Variants in BICD1 observed in about 807,000 individuals in gnomAD.
BICD1 encodes protein bicaudal D homolog 1.
Under a neutral mutation model 92.5 loss-of-function variants are expected in BICD1, and 35 were observed. The ratio of observed to expected loss-of-function variants is 0.38; its 90% CI spans 0.29 to 0.50. BICD1 has a LOEUF of 0.50. Ranked by LOEUF, BICD1 falls within the 20% of genes least tolerant of loss-of-function variation. The pLI is 0.93. For synonymous variants in BICD1, 429 were observed against 465.1 expected (o/e 0.92, Z 1.00); for missense variants, 950 against 1,189.8 (o/e 0.80, Z 2.97).
intron 1 of BICD1, among the ~76,000 whole-genome samples, chr12:32,118,515 C>CT (rs947324563): frequency 3.1e-4 from 47 of 152,202 alleles, no homozygotes; most frequent in South Asian, 2.9e-3. Flanking sequence ...CGTATACAGG[C>CT]TTTTTTTGGT....
At chr12:32,218,589 T>C (rs1201986211) in intron 2 of BICD1, among the ~76,000 whole-genome samples, 1 of 152,248 alleles carries the variant, frequency 6.6e-6, no homozygotes, top group African/African-American at 2.4e-5. Flanking sequence ...TGGTTGTGAT[T>C]CTTCAATTTT....
At chr12:32,116,488 C>CTT (rs1941907628) in intron 1 of BICD1, among the ~76,000 whole-genome samples, 2 of 125,902 alleles carry the variant, frequency 1.6e-5, no homozygotes, top group South Asian at 2.8e-4. Flanking sequence ...CTCTCTCTCT[C>CTT]TCTTTCTCTC....
At chr12:32,161,184 C>T (rs1351698430) in intron 1 of BICD1, among the ~76,000 whole-genome samples, 1 of 152,176 alleles carries the variant, frequency 6.6e-6, no homozygotes, top group South Asian at 2.1e-4. Flanking sequence ...AGCCTGAAAA[C>T]ACTCCTTGTC....
At chr12:32,324,516 C>T (rs1247428178) in intron 4 of BICD1, among the ~76,000 whole-genome samples, 2 of 152,096 alleles carry the variant, frequency 1.3e-5, no homozygotes, top group Non-Finnish European at 2.9e-5. Context: ...AATGTGCCAG[C>T]ATCACTTCCT....
At chr12:32,251,104 T>A (rs1173845869) in intron 2 of BICD1, among the ~76,000 whole-genome samples, 1 of 152,240 alleles carries the variant, frequency 6.6e-6, no homozygotes, top group Non-Finnish European at 1.5e-5. Context: ...AATGTTTACC[T>A]CATTATTTTC....
At chr12:32,233,322 T>TAA (rs1555152907) in intron 2 of BICD1, among the ~76,000 whole-genome samples, 83 of 127,072 alleles carry the variant, frequency 6.5e-4, no homozygotes, top group African/African-American at 1.9e-3. Context: ...AGTCTGTCTT[T>TAA]AAAAAAAAAA....
At chr12:32,166,050 T>G (rs1261013289) in intron 1 of BICD1, among the ~76,000 whole-genome samples, 1 of 152,164 alleles carries the variant, frequency 6.6e-6, no homozygotes, top group Non-Finnish European at 1.5e-5. Context: ...GCCATACTTC[T>G]CAGTTCAGAG....
intron 2 of BICD1, 44 bp downstream of exon 2, chr12:32,216,503 A>G (rs201204790): frequency 2.5e-6 from 4 of 1,580,916 alleles, no homozygotes; most frequent in Non-Finnish European, 3.5e-6. Context: ...AGAGGGAGAA[A>G]TAAGAAAGTT....
Position 32,107,548 on chromosome 12 carries a change from AG to A in BICD1, c.213+5del. Reference sequence around the variant, plus strand: ...GGAGCTGGAGCAGCTCAAAGAGGTGAGTTGCCTGTCACCTCTCCCTTTCCTG... The same window carrying A: ...GGAGCTGGAGCAGCTCAAAGAGGTGATTGCCTGTCACCTCTCCCTTTCCTG... On this transcript the variant is annotated splice_donor_5th_base_variant and intron_variant, in intron 1 of 9. Coordinates refer to ENST00000652176, the MANE Select transcript of BICD1 (RefSeq NM_001714.4). 1 of 1,573,650 alleles carries A rather than the reference AG, an allele frequency of 6.4e-7. No individual in the cohort carries two copies. Among genetic ancestry groups the A allele is most frequent in the Non-Finnish European group, 8.6e-7 (1 of 1,159,984 alleles).
chr12:32,336,830 G>A (rs1938145843), intron 6 of BICD1, among the ~76,000 whole-genome samples: 1 of 152,124 alleles, frequency 6.6e-6, no homozygotes, highest in Non-Finnish European at 1.5e-5. Context: ...TCTCCATATG[G>A]GCTGGGTGCA....
In BICD1 at chr12:32,216,257, A is replaced by G; in HGVS notation, c.224A>G (p.Gln75Arg). ...ELEQLKEAFG[Q>R]SFSIHRKVAE... ...CCATATACTCTGCAGGCATTTGGGCAGTCCTTCTCCATCCACCGGAAGGTT... is the reference window on the plus strand; with the variant it reads ...CCATATACTCTGCAGGCATTTGGGCGGTCCTTCTCCATCCACCGGAAGGTT... Residue 75 changes from glutamine (Q) to arginine (R), a missense_variant, in exon 2 of 10, where the codon CAG (glutamine) becomes CGG (arginine). This residue lies in a region of BICD1 where 202 missense variants were observed against 205.3 expected (regional missense o/e 0.98). Transcript: ENST00000652176. 6.2e-7 allele frequency: 1 copy of G among 1,613,590 alleles called. No individual in the cohort carries two copies. The highest frequency in any genetic ancestry group is 8.5e-7 in the Non-Finnish European group (1 of 1,179,948).
At chr12:32,168,855 G>A (rs756655921) in intron 1 of BICD1, among the ~76,000 whole-genome samples, 3 of 151,670 alleles carry the variant, frequency 2.0e-5, no homozygotes, top group South Asian at 2.1e-4. Context: ...CCAGCTACTC[G>A]GGAGGCTGAG....
chr12:32,183,962 G>A (rs1411360887), intron 1 of BICD1, among the ~76,000 whole-genome samples: 3 of 152,092 alleles, frequency 2.0e-5, no homozygotes, highest in Non-Finnish European at 2.9e-5. Context: ...AGTCCAGCCC[G>A]TCACCACTGG....
At chr12:32,203,001 G>A (rs1944950867) in intron 1 of BICD1, among the ~76,000 whole-genome samples, 1 of 152,168 alleles carries the variant, frequency 6.6e-6, no homozygotes. Flanking sequence ...GATATCTTAT[G>A]ACCATTAGTG....
chr12:32,198,539 C>G (rs1342233184), intron 1 of BICD1, among the ~76,000 whole-genome samples: 1 of 77,698 alleles, frequency 1.3e-5, no homozygotes, highest in Admixed American at 1.7e-4. Flanking sequence ...CTTCCCCTAT[C>G]CCCACTCTTT....
chr12:32,373,774 G>A (rs1302240114), intron 9 of BICD1, among the ~76,000 whole-genome samples: 1 of 152,048 alleles, frequency 6.6e-6, no homozygotes, highest in East Asian at 1.9e-4. Flanking sequence ...CAGCTACTCG[G>A]GAGGCTGAGA....
chr12:32,267,830 G>T (rs780544250), intron 2 of BICD1, among the ~76,000 whole-genome samples: 1 of 152,100 alleles, frequency 6.6e-6, no homozygotes, highest in Non-Finnish European at 1.5e-5. Flanking sequence ...TAGAGACAGG[G>T]TCTAACTCTG....
intron 4 of BICD1, among the ~76,000 whole-genome samples, chr12:32,307,418 T>C (rs1445948067): frequency 6.6e-6 from 1 of 152,246 alleles, no homozygotes; most frequent in African/African-American, 2.4e-5. Flanking sequence ...GGAAATGTTG[T>C]TTAAGAAACA....
rs200349960 is a variant in BICD1 at position 32,243,356 on chromosome 12, TG to T, written c.426+26898del. ...CCCAAACTCCTGAGCTCAAGCGGTC[TG>T]CCTGCTTTGGCCTCCCAAAGTGCTA... On this transcript the variant is annotated intron_variant, in intron 2 of 9. Coordinates refer to ENST00000652176, the MANE Select transcript of BICD1 (RefSeq NM_001714.4). Among the ~76,000 whole-genome samples, 1,282 of 148,110 alleles carry T rather than the reference TG, an allele frequency of 8.7e-3. 23 individuals are homozygous for T. The highest frequency in any genetic ancestry group is 0.03 in the African/African-American group (1,207 of 40,296).
Sources: gnomAD v4.1 joint callset for allele counts (sites outside exome capture counted in the v4.1 genomes callset) on GRCh38, gnomAD v4.1.1 for gene constraint, gnomAD v4.1.1 regional missense constraint, MANE v1.5 for transcripts, NCBI Gene and HGNC (gene_info 2026-07-23, HGNC 2026-07-21) for gene names.